Variants in SHISA9 observed in about 807,000 individuals in gnomAD.
SHISA9 encodes protein shisa-9.
Under a neutral mutation model 38.0 loss-of-function variants are expected in SHISA9, and 13 were observed. The observed-to-expected ratio is 0.34, with a 90% confidence interval of 0.22 to 0.54. The LOEUF (loss-of-function observed/expected upper bound fraction) is 0.54. Ranked by LOEUF, SHISA9 falls within the 20% of genes least tolerant of loss-of-function variation. SHISA9 has a pLI of 0.91. For missense variants in SHISA9, 538 were observed against 575.8 expected (o/e 0.93, Z 0.67); for synonymous variants, 275 against 242.0 (o/e 1.14, Z -1.27).
chr16:12,902,841 TGTGTGAGC>T (rs1308199519), intron 1 of SHISA9: 4 of 555,058 alleles, frequency 7.2e-6, no homozygotes, highest in Non-Finnish European at 1.3e-5. Flanking sequence ...TGTTCGTGTG[TGTGTGAGC>T]GTGTGTGTGT....
the SHISA9 span, among the ~76,000 whole-genome samples, chr16:13,486,764 G>C: frequency 2.6e-5 from 4 of 152,268 alleles, no homozygotes; most frequent in African/African-American, 9.6e-5. Context: ...GAGTGCAATG[G>C]CATGATCTCA....
intron 2 of SHISA9, among the ~76,000 whole-genome samples, chr16:12,956,138 A>T (rs184937810): frequency 2.0e-5 from 3 of 152,322 alleles, no homozygotes; most frequent in African/African-American, 7.2e-5. Flanking sequence ...AGTAGCCAAT[A>T]AGCACTAATC....
At chr16:13,268,268 A>T in the SHISA9 span, among the ~76,000 whole-genome samples, 1 of 152,128 alleles carries the variant, frequency 6.6e-6, no homozygotes, top group South Asian at 2.1e-4. Flanking sequence ...CCAGCACTTC[A>T]GGAGGCCAAG....
At chr16:13,168,867 A>G (rs1333828942) in intron 2 of SHISA9, among the ~76,000 whole-genome samples, 3 of 152,262 alleles carry the variant, frequency 2.0e-5, no homozygotes, top group African/African-American at 7.2e-5. Context: ...AAGAGTAGGC[A>G]TCAATACCTG....
the SHISA9 span, among the ~76,000 whole-genome samples, chr16:13,368,721 C>A: frequency 7.3e-6 from 1 of 137,088 alleles, no homozygotes. Context: ...GCAATGACCT[C>A]CAAGGCAAGA....
intron 2 of SHISA9, among the ~76,000 whole-genome samples, chr16:13,094,366 T>G (rs1350105522): frequency 6.6e-6 from 1 of 152,186 alleles, no homozygotes; most frequent in Non-Finnish European, 1.5e-5. Flanking sequence ...CTCATTCTTA[T>G]AAAATCTGCT....
chr16:12,919,793 C>A (rs943083521), intron 2 of SHISA9, among the ~76,000 whole-genome samples: 7 of 152,166 alleles, frequency 4.6e-5, no homozygotes, highest in African/African-American at 1.7e-4. Context: ...TCTTTCCAGG[C>A]ATTCAGTGAT....
At chr16:13,377,561 A>G in the SHISA9 span, among the ~76,000 whole-genome samples, 2 of 152,160 alleles carry the variant, frequency 1.3e-5, no homozygotes, top group African/African-American at 4.8e-5. Flanking sequence ...GATCCCGATC[A>G]CCTTTAATAT....
chr16:12,964,355 G>T (rs945250219), intron 2 of SHISA9, among the ~76,000 whole-genome samples: 9 of 151,232 alleles, frequency 6.0e-5, no homozygotes, highest in Non-Finnish European at 8.8e-5. Context: ...CAGGGGTGAT[G>T]GTGTATCAAT....
At chr16:13,148,962 A>T (rs2050473378) in intron 2 of SHISA9, among the ~76,000 whole-genome samples, 1 of 152,120 alleles carries the variant, frequency 6.6e-6, no homozygotes, top group Non-Finnish European at 1.5e-5. Flanking sequence ...AACAGCTCTG[A>T]TGTCTGACGT....
chr16:13,550,852 A>G, the SHISA9 span, among the ~76,000 whole-genome samples: 813 of 152,074 alleles, frequency 5.3e-3, 6 homozygotes, highest in East Asian at 0.026. Context: ...GGCCAGGTGC[A>G]GTGGCTCACA....
At chr16:13,446,645 A>ATG in the SHISA9 span, among the ~76,000 whole-genome samples, 3 of 151,800 alleles carry the variant, frequency 2.0e-5, no homozygotes, top group African/African-American at 4.8e-5. Flanking sequence ...CTGTGTGTGT[A>ATG]TGTGTGTGTG....
chr16:13,296,993 CT>C, the SHISA9 span, among the ~76,000 whole-genome samples: 3 of 147,202 alleles, frequency 2.0e-5, no homozygotes, highest in Non-Finnish European at 3.0e-5. Context: ...ATTCATATTT[CT>C]TTCCATCAGT....
the SHISA9 span, among the ~76,000 whole-genome samples, chr16:13,515,822 T>A: frequency 6.6e-6 from 1 of 152,158 alleles, no homozygotes; most frequent in African/African-American, 2.4e-5. Context: ...AAAAACAATT[T>A]GAGAAAAATC....
chr16:13,235,005 T>G (rs1334114117), intron 4 of SHISA9, 25 bp from the exon 5 acceptor site: 2 of 1,513,068 alleles, frequency 1.3e-6, no homozygotes, highest in East Asian at 2.5e-5. Flanking sequence ...CTTCCCCTTC[T>G]TCATCCACCC....
intron 2 of SHISA9, among the ~76,000 whole-genome samples, chr16:12,923,327 G>C (rs1384023040): frequency 6.6e-6 from 1 of 152,184 alleles, no homozygotes; most frequent in Non-Finnish European, 1.5e-5. Flanking sequence ...CCATGAGTTT[G>C]AGACCAGTCT....
chr16:13,224,460 G>A (rs894739662), intron 4 of SHISA9, among the ~76,000 whole-genome samples: 5 of 152,192 alleles, frequency 3.3e-5, no homozygotes, highest in African/African-American at 1.2e-4. Flanking sequence ...ATGACCAGGA[G>A]ATGTAATATC....
the SHISA9 span, among the ~76,000 whole-genome samples, chr16:13,392,296 C>G: frequency 6.6e-6 from 1 of 152,136 alleles, no homozygotes; most frequent in Non-Finnish European, 1.5e-5. Context: ...GATGACTTGA[C>G]AGCTCCCTTC....
chr16:13,326,109 G>A, the SHISA9 span, among the ~76,000 whole-genome samples: 168 of 151,134 alleles, frequency 1.1e-3, no homozygotes, highest in African/African-American at 4.0e-3. Flanking sequence ...CTGTCCAAAT[G>A]CAGAAAGAGA....
Sources: gnomAD v4.1 joint callset for allele counts (sites outside exome capture counted in the v4.1 genomes callset) on GRCh38, gnomAD v4.1.1 for gene constraint, MANE v1.5 for transcripts, NCBI Gene and HGNC (gene_info 2026-07-23, HGNC 2026-07-21) for gene names.